ZDHHC16: variants seen among roughly 807,000 people sequenced by gnomAD.
ZDHHC16 encodes the protein zDHHC palmitoyltransferase 16, also known as palmitoyltransferase ZDHHC16.
A neutral mutation model predicts 54.4 loss-of-function variants in ZDHHC16; 33 were observed. The observed-to-expected ratio is 0.61, with a 90% CI of 0.46 to 0.81. The LOEUF is 0.81. ZDHHC16 is among the 30% of genes least tolerant of loss of function. The pLI, the probability that ZDHHC16 is intolerant of heterozygous loss-of-function variation, is 0.00. For synonymous variants in ZDHHC16, 185 were observed against 182.1 expected (o/e 1.02, Z -0.13); for missense variants, 420 against 485.9 (o/e 0.86, Z 1.28).
chr10:97,454,238 C>G (rs1029635743), intron 8 of ZDHHC16, among the ~76,000 whole-genome samples: 6 of 152,210 alleles, frequency 3.9e-5, no homozygotes, highest in Non-Finnish European at 7.3e-5. Flanking sequence ...CCTGCCCCCC[C>G]AGTACCTTTT....
intron 1 of ZDHHC16, among the ~76,000 whole-genome samples, chr10:97,448,854 A>G (rs1846341391): frequency 6.6e-6 from 1 of 152,240 alleles, no homozygotes; most frequent in African/African-American, 2.4e-5. Context: ...GAAGATACGT[A>G]TAGGTTATAT....
At chr10:97,446,540 T>C (rs1846050563) in intron 1 of ZDHHC16, among the ~76,000 whole-genome samples, 187 bp downstream of exon 1, 1 of 151,906 alleles carries the variant, frequency 6.6e-6, no homozygotes, top group Admixed American at 6.6e-5. Flanking sequence ...GGGAAGGAGG[T>C]CAAGCGACCC....
At position 97,451,789 on chromosome 10, in the gene ZDHHC16, C is replaced by A; in HGVS notation, c.114C>A (p.Arg38=). The A allele has an allele frequency of 6.2e-7, 1 of 1,614,210 alleles. No homozygotes were observed. The highest frequency in any genetic ancestry group is 8.5e-7 in the Non-Finnish European group (1 of 1,180,038). ...CPPLLRGLVQ[R]WRYGKVCLRS... ...CTCTACTCCGGGGTCTAGTACAGCGCTGGCGCTACGGCAAGGTCTGCCTGC... is the reference window on the plus strand; with the variant it reads ...CTCTACTCCGGGGTCTAGTACAGCGATGGCGCTACGGCAAGGTCTGCCTGC... Residue 38 remains arginine (R), a synonymous_variant, in exon 3 of 12, where the codon CGC becomes CGA. Transcript: ENST00000393760.
rs377074050 is a variant in ZDHHC16, at chr10:97,455,998, G to A, written c.973G>A (p.Gly325Ser). 1.5e-5 allele frequency: 24 copies of A among 1,614,028 alleles called. No individual in the cohort carries two copies. The highest frequency in any genetic ancestry group is 3.3e-4 in the Middle Eastern group (2 of 6,084). Residue 325 changes from glycine (G) to serine (S), a missense_variant, in exon 11 of 12, where the codon GGC becomes AGC. Gly to Ser is a moderately conservative substitution (Grantham distance 56). Transcript: ENST00000393760. ...GGTATTTAGGAATCCTTACAACTACGGCTGCTTGGACAACTGGAAGGTATT... is the reference window on the plus strand; with the variant it reads ...GGTATTTAGGAATCCTTACAACTACAGCTGCTTGGACAACTGGAAGGTATT... ...GRVFRNPYNY[G>S]CLDNWKVFLG...
chr10:97,447,949 T>C (rs1016626043), intron 1 of ZDHHC16, among the ~76,000 whole-genome samples: 3 of 151,186 alleles, frequency 2.0e-5, no homozygotes, highest in South Asian at 2.1e-4. Context: ...GAAAAGTCTG[T>C]GTGTTCAGTT....
chr10:97,451,589 A>G, intron 2 of ZDHHC16, 82 bp from the exon 3 acceptor site: 2 of 1,519,596 alleles, frequency 1.3e-6, no homozygotes, highest in South Asian at 1.3e-5. Context: ...TTTGCCCTCC[A>G]AGTGAGTACT....
chr10:97,451,754 C>T lies in ZDHHC16; in HGVS notation c.79C>T (p.Arg27Cys), dbSNP rs749099703. ...RLLLLLGYRR[R>C]CPPLLRGLVQ... ...CCTTCTGCTGCTGGGTTACAGGCGC[C>T]GCTGTCCACCTCTACTCCGGGGTCT... Residue 27 changes from arginine (R) to cysteine (C), a missense_variant, in exon 3 of 12, where the codon CGC (arginine) becomes TGC (cysteine). By Grantham distance (180) the Arg-to-Cys change is radical (BLOSUM62 -3). Coordinates refer to ENST00000393760, the MANE Select transcript of ZDHHC16 (RefSeq NM_198046.3). The T allele has an allele frequency of 1.2e-5, 20 of 1,613,826 alleles. No individual in the cohort carries two copies. Among genetic ancestry groups the T allele is most frequent in the African/African-American group, 5.3e-5 (4 of 74,928 alleles).
chr10:97,456,687 A>G (rs1037093748), intron 11 of ZDHHC16, 90 bp from the exon 12 acceptor site: 12 of 910,600 alleles, frequency 1.3e-5, no homozygotes, highest in Admixed American at 2.7e-5. Flanking sequence ...AGGTAGCTTC[A>G]GGATACCTTG....
intron 6 of ZDHHC16, among the ~76,000 whole-genome samples, chr10:97,453,194 G>A (rs955824293): frequency 1.3e-5 from 2 of 152,218 alleles, no homozygotes; most frequent in Admixed American, 6.5e-5. Flanking sequence ...GTTGTTTACT[G>A]TGTACGCCAG....
In ZDHHC16 at chr10:97,452,170, A is replaced by G; in HGVS notation, c.324A>G (p.Arg108=). The G allele has an allele frequency of 6.2e-7, 1 of 1,613,970 alleles. No homozygotes were observed. The highest frequency in any genetic ancestry group is 8.5e-7 in the Non-Finnish European group (1 of 1,179,992). The change falls in exon 4 of 12, where the codon CGA becomes CGG. Residue 108 remains arginine, a synonymous_variant. Transcript: ENST00000393760. ...TGTGTGTCCTGCCTCTCATCCTCCG[A>G]ACCTACTCAGTGCCACGACTCTGCT... ...AYLCVLPLIL[R]TYSVPRLCWH...
At chr10:97,449,903 C>T (rs1302152897) in intron 1 of ZDHHC16, among the ~76,000 whole-genome samples, 2 of 107,132 alleles carry the variant, frequency 1.9e-5, no homozygotes, top group South Asian at 3.1e-4. Context: ...CTCGCTCTGT[C>T]GCCCAGGCCG....
Position 97,451,689 on chromosome 10 carries a change from G to C in ZDHHC16, c.14G>C (p.Arg5Pro), listed in dbSNP as rs141510622. Residue 5 changes from arginine to proline, a missense_variant, in exon 3 of 12, where the codon CGG becomes CCG. Coordinates refer to ENST00000393760, the MANE Select transcript of ZDHHC16 (RefSeq NM_198046.3). ...CTCGTAGGAACCATGCGAGGCCAGC[G>C]GAGCCTGCTGCTGGGCCCGGCCCGC... MRGQRSLLLGPARLC... is the reference protein window; with the variant it reads MRGQPSLLLGPARLC... 6.2e-6 allele frequency: 10 copies of C among 1,610,960 alleles called. No individual in the cohort carries two copies. Among genetic ancestry groups the C allele is most frequent in the South Asian group, 1.1e-5 (1 of 90,752 alleles).
rs923313207 is a variant in ZDHHC16, at chr10:97,446,198, G to T, written c.-341G>T. 7 of 680,580 alleles carry T rather than the reference G, an allele frequency of 1.0e-5. No individual in the cohort carries two copies. The highest frequency in any genetic ancestry group is 1.7e-5 in the Non-Finnish European group (7 of 404,032). 42.2% of individuals were successfully genotyped at this position (680,580 alleles called of 1,614,324 possible). ...GTGTGGTTGAGGATGGGCTGGCGGCGGGTCCGGGTCCGCTGCCTGGCGCTG... is the reference window on the plus strand; with the variant it reads ...GTGTGGTTGAGGATGGGCTGGCGGCTGGTCCGGGTCCGCTGCCTGGCGCTG... On this transcript the variant is annotated 5_prime_UTR_variant, in exon 1 of 12. Transcript: ENST00000393760.
rs1846002864 is a variant in ZDHHC16 at position 97,446,232 on chromosome 10, G to C, written c.-307G>C. 2 of 605,656 alleles carry C rather than the reference G, an allele frequency of 3.3e-6. No homozygotes were observed. Among genetic ancestry groups the C allele is most frequent in the Non-Finnish European group, 2.9e-6 (1 of 343,624 alleles). 37.5% of individuals were successfully genotyped at this position (605,656 alleles called of 1,614,324 possible). On this transcript the variant is annotated 5_prime_UTR_variant, in exon 1 of 12. Transcript: ENST00000393760. ...TCCGCTGCCTGGCGCTGCGGGCGGC[G>C]GGCCATGGTGGTTTGGATTGAGCCG... is the stretch of plus-strand genomic sequence containing the variant.
rs75129189 is a variant in ZDHHC16 at position 97,456,918 on chromosome 10, G to A, written c.*27G>A. On this transcript the variant is annotated 3_prime_UTR_variant, in exon 12 of 12. Coordinates refer to ENST00000393760, the MANE Select transcript of ZDHHC16 (RefSeq NM_198046.3). ...CTGGACTGTGTCAGCCACGACTCGAGCACTCATTCTGCTCCCTATGTTATT... is the reference window on the plus strand; with the variant it reads ...CTGGACTGTGTCAGCCACGACTCGAACACTCATTCTGCTCCCTATGTTATT... The A allele has an allele frequency of 3.0e-5, 47 of 1,554,084 alleles. No individual in the cohort carries two copies. The East Asian group carries it at 1.0e-3, about 34-fold the overall frequency.
At chr10:97,454,563 T>C in intron 8 of ZDHHC16, 151 bp from the exon 9 acceptor site, 1 of 690,012 alleles carries the variant, frequency 1.4e-6, no homozygotes, top group Non-Finnish European at 2.5e-6. Flanking sequence ...CTGGGCTTGG[T>C]CCACCCATCT....
chr10:97,452,746 G>A (rs1339179116), intron 5 of ZDHHC16, 149 bp from the exon 6 acceptor site: 2 of 1,108,026 alleles, frequency 1.8e-6, no homozygotes, highest in African/African-American at 1.5e-5. Flanking sequence ...CCATTAAACT[G>A]CAGAGCTGGG....
At chr10:97,454,897 C>A in intron 9 of ZDHHC16, 98 bp downstream of exon 9, 1 of 1,017,138 alleles carries the variant, frequency 9.8e-7, no homozygotes, top group South Asian at 1.4e-5. Flanking sequence ...AGTGAACTGC[C>A]ACTGCTCTAG....
rs1846015461 is a variant in ZDHHC16 at position 97,446,315 on chromosome 10, G to C, written c.-224G>C. ...GCAGTGAGCGGCGGCAGAGGCTACG[G>C]GGCTCGGTTTGGCTGACTGGGGAGT... On this transcript the variant is annotated 5_prime_UTR_variant, in exon 1 of 12. Coordinates refer to ENST00000393760, the MANE Select transcript of ZDHHC16 (RefSeq NM_198046.3). 3 of 460,508 alleles carry C rather than the reference G, an allele frequency of 6.5e-6. No individual in the cohort carries two copies. The highest frequency in any genetic ancestry group is 1.2e-5 in the Non-Finnish European group (3 of 254,784). 28.5% of individuals were successfully genotyped at this position (460,508 alleles called of 1,614,324 possible). A position where few individuals can be genotyped will look rare whatever the true frequency, so the allele number is the denominator to read the frequency against.
Sources: gnomAD v4.1 joint callset for allele counts (sites outside exome capture counted in the v4.1 genomes callset) on GRCh38, gnomAD v4.1.1 for gene constraint, MANE v1.5 for transcripts, NCBI Gene and HGNC (gene_info 2026-07-23, HGNC 2026-07-21) for gene names.